Variants in PCOLCE2 observed in about 807,000 individuals in gnomAD.
PCOLCE2 encodes procollagen C-proteinase enhancer 2.
Under a neutral mutation model 47.0 loss-of-function variants are expected in PCOLCE2, and 42 were observed. The observed-to-expected ratio is 0.89, with a 90% confidence interval of 0.70 to 1.16. The LOEUF (loss-of-function observed/expected upper bound fraction) is 1.16. Among genes scored for constraint, PCOLCE2 ranks in the 50% most tolerant of loss-of-function variants. The probability of loss-of-function intolerance (pLI) is 0.00; values close to 1 mark genes in which losing one functional copy is unlikely to be tolerated. For synonymous variants in PCOLCE2, 169 were observed against 191.7 expected, an observed-to-expected ratio of 0.88 and a Z score of 0.98; for missense variants, 500 against 526.1, an observed-to-expected ratio of 0.95 and a Z score of 0.49.
At chr3:142,836,799 T>G (rs1023341580) in intron 5 of PCOLCE2, among the ~76,000 whole-genome samples, 9 of 151,210 alleles carry the variant, frequency 6.0e-5, no homozygotes, top group African/African-American at 2.2e-4. Flanking sequence ...AGGATAAACA[T>G]GAAGAAAAAG....
chr3:142,827,098 A>C (rs1937088477), intron 6 of PCOLCE2: 7 of 1,406,692 alleles, frequency 5.0e-6, no homozygotes, highest in South Asian at 4.6e-5. Context: ...CCTTAGCACT[A>C]GTTCTCTTTC....
At chr3:142,844,142 C>G (rs919174613) in intron 3 of PCOLCE2, among the ~76,000 whole-genome samples, 3 of 152,104 alleles carry the variant, frequency 2.0e-5, no homozygotes, top group Non-Finnish European at 4.4e-5. Flanking sequence ...CTGTACAAAT[C>G]TGAAAAATGG....
chr3:142,841,707 T>G (rs1055191537), intron 4 of PCOLCE2, among the ~76,000 whole-genome samples: 3 of 152,290 alleles, frequency 2.0e-5, no homozygotes, highest in Admixed American at 1.3e-4. Flanking sequence ...CTAACTTGCA[T>G]GGTATATTAG....
At chr3:142,860,824 T>A (rs1933168085) in intron 2 of PCOLCE2, among the ~76,000 whole-genome samples, 1 of 152,168 alleles carries the variant, frequency 6.6e-6, no homozygotes, top group Non-Finnish European at 1.5e-5. Context: ...GAAACACCCA[T>A]TCTGGAGCTC....
intron 2 of PCOLCE2, among the ~76,000 whole-genome samples, chr3:142,871,825 T>C (rs947898885): frequency 3.3e-5 from 5 of 152,190 alleles, no homozygotes; most frequent in African/African-American, 1.2e-4. Context: ...AATACACATA[T>C]GTACTTGTAT....
chr3:142,864,468 A>G (rs1933243036), intron 2 of PCOLCE2: 1 of 152,200 alleles, frequency 6.6e-6, no homozygotes, highest in South Asian at 2.1e-4. Flanking sequence ...TCAATCATAA[A>G]ACACTTTTTT....
chr3:142,831,682 T>A (rs1185313891), intron 5 of PCOLCE2, among the ~76,000 whole-genome samples: 2 of 152,186 alleles, frequency 1.3e-5, no homozygotes, highest in Admixed American at 1.3e-4. Flanking sequence ...ATAAAACATG[T>A]TAATTTTGTT....
At chr3:142,865,949 C>G (rs146071908) in intron 2 of PCOLCE2, among the ~76,000 whole-genome samples, 3 of 152,132 alleles carry the variant, frequency 2.0e-5, no homozygotes, top group Non-Finnish European at 4.4e-5. Context: ...AAAAATAGTC[C>G]GGATAGGCAA....
intron 7 of PCOLCE2, among the ~76,000 whole-genome samples, chr3:142,821,670 T>C (rs961440237): frequency 6.6e-6 from 1 of 151,580 alleles, no homozygotes; most frequent in South Asian, 2.1e-4. Flanking sequence ...AGCTGAAGTA[T>C]AGAACTGAGG....
chr3:142,842,972 G>A lies in PCOLCE2; in HGVS notation c.525C>T (p.Tyr175=). 6.2e-7 allele frequency: 1 copy of A among 1,614,028 alleles called. No individual in the cohort carries two copies. Among genetic ancestry groups the A allele is most frequent in the Non-Finnish European group, 8.5e-7 (1 of 1,179,928 alleles). Residue 175 remains tyrosine (Y), a synonymous_variant, in exon 4 of 9, where the codon TAC becomes TAT. Coordinates refer to ENST00000295992, the MANE Select transcript of PCOLCE2 (RefSeq NM_013363.4). The surrounding 1 kb of genome is among the most constrained non-coding windows in gnomAD (Gnocchi z 4.1). ...GCCACACACAAGTGACTCCTGCAGGGTAATCCCGGTCTGGCCAGTTGGGGG... is the reference window on the plus strand; with the variant it reads ...GCCACACACAAGTGACTCCTGCAGGATAATCCCGGTCTGGCCAGTTGGGGG... ...FKTPNWPDRD[Y]PAGVTCVWHI... is the part of the protein sequence containing the mutation.
chr3:142,843,250 A>G, intron 3 of PCOLCE2: 1 of 654,436 alleles, frequency 1.5e-6, no homozygotes, highest in Non-Finnish European at 2.8e-6. Flanking sequence ...GTTACCTGAC[A>G]TAGCATAGCA....
intron 5 of PCOLCE2, among the ~76,000 whole-genome samples, chr3:142,838,563 C>G (rs562750100): frequency 2.6e-5 from 4 of 152,242 alleles, no homozygotes; most frequent in African/African-American, 7.2e-5. Context: ...CATGCAGAAC[C>G]CTGAGCCAAT....
intron 5 of PCOLCE2, among the ~76,000 whole-genome samples, chr3:142,837,534 C>G (rs78728584): frequency 1.3e-3 from 191 of 152,184 alleles, no homozygotes; most frequent in Non-Finnish European, 2.1e-3. Flanking sequence ...CATATAAAAT[C>G]AAGTGATGCA....
Position 142,854,262 on chromosome 3 carries a change from A to T in PCOLCE2, c.193-5790T>A, listed in dbSNP as rs141734445. ...TCTTCTACGATTTCCCTCTTCCACA[A>T]ACAAACCTTTGGGAACGTGCATTCT... On this transcript the variant is annotated intron_variant, in intron 2 of 8. Coordinates refer to ENST00000295992, the MANE Select transcript of PCOLCE2 (RefSeq NM_013363.4). 2.3e-3 allele frequency among the ~76,000 whole-genome samples: 357 copies of T among 152,236 alleles called. 1 individual carries two copies. Among genetic ancestry groups the T allele is most frequent in the African/African-American group, 6.6e-3 (276 of 41,540 alleles).
At chr3:142,850,579 TG>T (rs767271493) in intron 2 of PCOLCE2, among the ~76,000 whole-genome samples, 6 of 152,112 alleles carry the variant, frequency 3.9e-5, no homozygotes, top group Non-Finnish European at 8.8e-5. Context: ...GAGGAATGAA[TG>T]GGCAACTGAG....
chr3:142,885,761 A>G (rs1933707979), intron 2 of PCOLCE2, among the ~76,000 whole-genome samples: 1 of 152,186 alleles, frequency 6.6e-6, no homozygotes, highest in South Asian at 2.1e-4. Context: ...TCTTCCACGC[A>G]GACACCAGAT....
intron 5 of PCOLCE2, among the ~76,000 whole-genome samples, chr3:142,831,289 T>C (rs1287968987): frequency 6.6e-6 from 1 of 152,192 alleles, no homozygotes; most frequent in Non-Finnish European, 1.5e-5. Context: ...GGAGTGGGAC[T>C]GATGGCTTTA....
At chr3:142,885,758 C>A (rs534435478) in intron 2 of PCOLCE2, among the ~76,000 whole-genome samples, 2 of 152,318 alleles carry the variant, frequency 1.3e-5, no homozygotes, top group African/African-American at 4.8e-5. Flanking sequence ...TCATCTTCCA[C>A]GCAGACACCA....
At chr3:142,859,035 C>A (rs763666604) in intron 2 of PCOLCE2, among the ~76,000 whole-genome samples, 1 of 151,610 alleles carries the variant, frequency 6.6e-6, no homozygotes, top group Non-Finnish European at 1.5e-5. Context: ...TAGCTAGGAG[C>A]CTTTTTGTCA....
Sources: gnomAD v4.1 joint callset for allele counts (sites outside exome capture counted in the v4.1 genomes callset) on GRCh38, gnomAD v4.1.1 for gene constraint, Gnocchi (gnomAD v3.1) non-coding constraint, MANE v1.5 for transcripts, NCBI Gene and HGNC (gene_info 2026-07-23, HGNC 2026-07-21) for gene names.